The following GOLGA6C variants were observed in gnomAD, a reference collection of about 807,000 sequenced individuals.
The protein encoded by GOLGA6C is golgin A6 family member C, also known as golgin subfamily A member 6C.
GOLGA6C carries 3 observed loss-of-function variants against 57.5 expected under a neutral mutation model. The observed-to-expected ratio is 0.05, with a 90% CI of 0.02 to 0.13. GOLGA6C has a LOEUF of 0.13. Ranked by LOEUF, GOLGA6C falls within the 10% of genes least tolerant of loss-of-function variation. The pLI, the probability that GOLGA6C is intolerant of heterozygous loss-of-function variation, is 1.00. For missense variants in GOLGA6C, 88 were observed against 525.6 expected (o/e 0.17, Z 8.14); for synonymous variants, 32 against 203.8 (o/e 0.16, Z 7.18).
At chr15:75,266,006 A>G (rs1595971352) in intron 10 of GOLGA6C, 99 bp from the exon 11 acceptor site, 1 of 1,488,558 alleles carries the variant, frequency 6.7e-7, no homozygotes, top group Non-Finnish European at 8.9e-7. Context: ...GCCTGAGAGG[A>G]GCTGTGCATC....
At position 75,270,579 on chromosome 15, in the gene GOLGA6C, C is replaced by G. The variant is rs1171815719; in HGVS notation, c.*380C>G. ...ACACACAAAGACCCACTAATTTGCA[C>G]AAAACTATTCTGGCTGGTTTGGAAC... is the stretch of plus-strand genomic sequence containing the variant. On this transcript the variant is annotated 3_prime_UTR_variant, in exon 18 of 18. Transcript: ENST00000300576. Among the ~76,000 whole-genome samples, 2 of 70,052 alleles carry G rather than the reference C, an allele frequency of 2.9e-5. No individual in the cohort carries two copies. The highest frequency in any genetic ancestry group is 6.1e-5 in the African/African-American group (1 of 16,268). 46.0% of individuals were successfully genotyped at this position (70,052 alleles called of 152,430 possible). A position where few individuals can be genotyped will look rare whatever the true frequency, so the allele number is the denominator to read the frequency against.
chr15:75,270,010 G>A, intron 17 of GOLGA6C, 25 bp downstream of exon 17: 1 of 1,590,398 alleles, frequency 6.3e-7, no homozygotes, highest in Non-Finnish European at 8.5e-7. Flanking sequence ...CAGGCGGGGT[G>A]GGCAGGCAGG....
rs2070754977 is a variant in GOLGA6C at position 75,265,345 on chromosome 15, T to C, written c.680T>C (p.Leu227Pro). 1 of 1,604,544 alleles carries C rather than the reference T, an allele frequency of 6.2e-7. No individual in the cohort carries two copies. Among genetic ancestry groups the C allele is most frequent in the Non-Finnish European group, 8.5e-7 (1 of 1,174,512 alleles). Residue 227 changes from leucine to proline, a missense_variant, in exon 9 of 18, where the codon CTA becomes CCA. Transcript: ENST00000300576. The part of the protein sequence containing the change: ...QVTESLKQVQ[L>P]ERDEYAKHIK... ...ACAGAGTCACTAAAACAAGTCCAGC[T>C]AGAGCGGGACGAATATGCTAAACAC...
intron 2 of GOLGA6C, among the ~76,000 whole-genome samples, chr15:75,261,811 C>CT (rs1202553749): frequency 0.01 from 364 of 35,378 alleles, 6 homozygotes; most frequent in East Asian, 0.015. Context: ...GATTTGGGCT[C>CT]TTTTTTTTTT....
At chr15:75,260,335 GT>G in intron 1 of GOLGA6C, 37 bp from the exon 2 acceptor site, 2 of 1,599,736 alleles carry the variant, frequency 1.3e-6, no homozygotes, top group Non-Finnish European at 1.7e-6. Context: ...GTAAGGGCTG[GT>G]AGTTCTCATG....
Position 75,270,102 on chromosome 15 carries a change from T to G in GOLGA6C, c.1985T>G (p.Val662Gly), listed in dbSNP as rs760693867. 26 of 1,602,904 alleles carry G rather than the reference T, an allele frequency of 1.6e-5. No individual in the cohort carries two copies. The South Asian group carries it at 2.6e-4, about 16-fold the overall frequency. Residue 662 changes from valine to glycine, a missense_variant, in exon 18 of 18, where the codon GTG becomes GGG. Physicochemically the swap from Val to Gly is moderately radical, Grantham distance 109. Transcript: ENST00000300576. ...TATGAAGTGAGCCTGGACAACAACG[T>G]GGAGCCTGCACCAGGAGCGGCCAGG... ...DFYEVSLDNN[V>G]EPAPGAAREG...
In GOLGA6C at chr15:75,272,833, A is replaced by G. The variant is rs2070795089; in HGVS notation, c.*2634A>G. Among the ~76,000 whole-genome samples the G allele has an allele frequency of 6.6e-6, 1 of 151,908 alleles. No individual in the cohort carries two copies. The highest frequency in any genetic ancestry group is 2.4e-5 in the African/African-American group (1 of 41,112). On this transcript the variant is annotated 3_prime_UTR_variant, in exon 18 of 18. Transcript: ENST00000300576. ...CAGCCAAGTATTTGTTCTCTTCCTC[A>G]TTCAGTTTAAGGCAGCTTTCAATTT...
intron 7 of GOLGA6C, among the ~76,000 whole-genome samples, chr15:75,264,439 G>GGT (rs368165570): frequency 0.022 from 2,636 of 117,178 alleles, 89 homozygotes; most frequent in East Asian, 0.13. Context: ...AGAGGAAAGG[G>GGT]GTGTGTGTGT....
rs1192296395 is a variant in GOLGA6C, at chr15:75,272,865, A to G, written c.*2666A>G. ...TTAAGGCAGCTTTCAATTTGCTTAG[A>G]AGGCAACATTAGAAGGGTAGAGTTT... On this transcript the variant is annotated 3_prime_UTR_variant, in exon 18 of 18. Coordinates refer to ENST00000300576, the MANE Select transcript of GOLGA6C (RefSeq NM_001164404.2). 6.6e-6 allele frequency among the ~76,000 whole-genome samples: 1 copy of G among 152,028 alleles called. No homozygotes were observed.
rs2070789342 is a variant in GOLGA6C, at chr15:75,271,561, AGTTG to A, written c.*1363_*1366del. ...TAAACCAATATATGTGAGAGTACTT[AGTTG>A]AAACAAAAAGGAGTTTTAGTAGACA... On this transcript the variant is annotated 3_prime_UTR_variant, in exon 18 of 18. Coordinates refer to ENST00000300576, the MANE Select transcript of GOLGA6C (RefSeq NM_001164404.2). Among the ~76,000 whole-genome samples, 1 of 63,680 alleles carries A rather than the reference AGTTG, an allele frequency of 1.6e-5. No homozygotes were observed. Among genetic ancestry groups the A allele is most frequent in the Non-Finnish European group, 3.0e-5 (1 of 33,800 alleles). 41.8% of individuals were successfully genotyped at this position (63,680 alleles called of 152,430 possible).
At position 75,265,058 on chromosome 15, in the gene GOLGA6C, T is replaced by C. The variant is rs1428457919; in HGVS notation, c.565-64T>C. ...CCGAGTTGTATATTGAGCCTAGCCC[T>C]AGCCCTTTTAAGGGGCACTGCCCGG... On this transcript the variant is annotated intron_variant, in intron 7 of 17. Transcript: ENST00000300576. 2.5e-6 allele frequency: 4 copies of C among 1,592,052 alleles called. 1 individual carries two copies. The highest frequency in any genetic ancestry group is 2.2e-5 in the South Asian group (2 of 89,552).
In GOLGA6C at chr15:75,270,130, G is replaced by A. The variant is rs747800841; in HGVS notation, c.2013G>A (p.Glu671=). ...NVEPAPGAAR[E]GSPHDNPPVQ... is the part of the protein sequence containing the mutation. ...AGCCTGCACCAGGAGCGGCCAGGGA[G>A]GGTTCTCCCCATGACAACCCCCCGG... The change falls in exon 18 of 18, where the codon GAG becomes GAA. Residue 671 remains glutamate (E), a synonymous_variant. Transcript: ENST00000300576. 1 of 1,596,348 alleles carries A rather than the reference G, an allele frequency of 6.3e-7. No homozygotes were observed. Among genetic ancestry groups the A allele is most frequent in the Non-Finnish European group, 8.5e-7 (1 of 1,175,080 alleles).
chr15:75,270,168 T>C lies in GOLGA6C; in HGVS notation c.2051T>C (p.Val684Ala). 6.3e-7 allele frequency: 1 copy of C among 1,592,050 alleles called. No individual in the cohort carries two copies. The highest frequency in any genetic ancestry group is 8.5e-7 in the Non-Finnish European group (1 of 1,174,442). Residue 684 changes from valine to alanine, a missense_variant, in exon 18 of 18, where the codon GTG becomes GCG. Physicochemically the swap from Val to Ala is moderately conservative, Grantham distance 64 (BLOSUM62 0). Transcript: ENST00000300576. ...GACAACCCCCCGGTACAGCAGATCG[T>C]GCAGCTGTCTCCTGTCATGCAGGAC... is the stretch of plus-strand genomic sequence containing the variant. ...PHDNPPVQQI[V>A]QLSPVMQDT
Position 75,270,132 on chromosome 15 carries a change from G to T in GOLGA6C, c.2015G>T (p.Gly672Val), listed in dbSNP as rs570843635. ...VEPAPGAARE[G>V]SPHDNPPVQQ... ...CCTGCACCAGGAGCGGCCAGGGAGGGTTCTCCCCATGACAACCCCCCGGTA... is the reference window on the plus strand; with the variant it reads ...CCTGCACCAGGAGCGGCCAGGGAGGTTTCTCCCCATGACAACCCCCCGGTA... The change falls in exon 18 of 18, where the codon GGT becomes GTT. Residue 672 changes from glycine to valine, a missense_variant. Transcript: ENST00000300576. 9.4e-6 allele frequency: 15 copies of T among 1,595,582 alleles called. 2 individuals carry two copies. The African/African-American group carries it at 1.3e-4, about 14-fold the overall frequency.
intron 10 of GOLGA6C, among the ~76,000 whole-genome samples, 195 bp from the exon 11 acceptor site, chr15:75,265,910 C>G (rs868564178): frequency 8.2e-4 from 105 of 127,940 alleles, no homozygotes; most frequent in Middle Eastern, 4.6e-3. Flanking sequence ...TGTCAGCCAC[C>G]CACAGTGCTC....
In GOLGA6C at chr15:75,265,119, C is replaced by T. The variant is rs1355822296; in HGVS notation, c.565-3C>T. ...TCAAAACTTCTCACTCTTCACCATC[C>T]AGTCCTCGAGCTGCAGAGAAGCGGT... On this transcript the variant is annotated splice_polypyrimidine_tract_variant and splice_region_variant and intron_variant, in intron 7 of 17. Transcript: ENST00000300576. The T allele has an allele frequency of 6.2e-7, 1 of 1,605,564 alleles. No homozygotes were observed. Among genetic ancestry groups the T allele is most frequent in the African/African-American group, 1.4e-5 (1 of 73,858 alleles).
intron 2 of GOLGA6C, among the ~76,000 whole-genome samples, 184 bp downstream of exon 2, chr15:75,260,676 T>C (rs541360604): frequency 2.3e-4 from 35 of 150,040 alleles, no homozygotes; most frequent in African/African-American, 7.9e-4. Flanking sequence ...ATCTGTGAAA[T>C]AGGGGTAGTA....
chr15:75,269,117 C>T (rs1178358658), intron 14 of GOLGA6C, among the ~76,000 whole-genome samples: 2 of 137,886 alleles, frequency 1.5e-5, no homozygotes, highest in African/African-American at 2.8e-5. Flanking sequence ...TATGCCCCTA[C>T]AAGAATACTC....
intron 2 of GOLGA6C, 125 bp downstream of exon 2, chr15:75,260,617 G>A (rs908313738): frequency 1.7e-5 from 16 of 969,390 alleles, no homozygotes; most frequent in Admixed American, 1.1e-4. Flanking sequence ...ATCTGCTAGC[G>A]ATCTGATTTA....
Sources: allele counts gnomAD v4.1 joint callset (sites outside exome capture counted in the v4.1 genomes callset), GRCh38; gene constraint gnomAD v4.1.1; transcripts MANE v1.5; gene names NCBI Gene and HGNC (gene_info 2026-07-23, HGNC 2026-07-21).